Variants in BRIP1 observed in about 807,000 individuals in gnomAD.
BRIP1 encodes Fanconi anemia group J protein.
Under a neutral mutation model 119.7 loss-of-function variants are expected in BRIP1, and 88 were observed. The ratio of observed to expected loss-of-function variants is 0.74; its 90% CI spans 0.62 to 0.88. The LOEUF (loss-of-function observed/expected upper bound fraction) is 0.88. Among genes scored for constraint, BRIP1 ranks in the 40% least tolerant of loss-of-function variants. The probability of loss-of-function intolerance (pLI) is 0.00; values close to 1 mark genes in which losing one functional copy is unlikely to be tolerated. For missense variants in BRIP1, 1,259 were observed against 1,455.4 expected (o/e 0.87, Z 2.20); for synonymous variants, 443 against 496.5 (o/e 0.89, Z 1.43).
At position 61,709,247 on chromosome 17, in the gene BRIP1, T is replaced by C. The variant is rs995052810; in HGVS notation, c.2492+6704A>G. Among the ~76,000 whole-genome samples, 8 of 152,338 alleles carry C rather than the reference T, an allele frequency of 5.3e-5. No homozygotes were observed. The highest frequency in any genetic ancestry group is 1.9e-4 in the African/African-American group (8 of 41,598). ...CTGCTAAGTCATTCAGTCATTCGGC[T>C]GTTTTCCAGTGTTCAAAATGTGTTG... is the stretch of plus-strand genomic sequence containing the variant. On this transcript the variant is annotated intron_variant, in intron 17 of 19. Transcript: ENST00000259008. The surrounding 1 kb of genome is among the most constrained non-coding windows in gnomAD (Gnocchi z 5.0).
At position 61,816,800 on chromosome 17, in the gene BRIP1, G is replaced by A. The variant is rs774016204; in HGVS notation, c.628-8043C>T. ...AAACGAGCAAAATGGGGAAGTGGGC[G>A]GGTAGGCGGAAAATATCTTCTTTAA... On this transcript the variant is annotated intron_variant, in intron 6 of 19. Transcript: ENST00000259008. The surrounding 1 kb of genome is among the most constrained non-coding windows in gnomAD (Gnocchi z 5.0). Among the ~76,000 whole-genome samples the A allele has an allele frequency of 1.2e-4, 19 of 152,068 alleles. No individual in the cohort carries two copies. The highest frequency in any genetic ancestry group is 6.2e-4 in the South Asian group (3 of 4,828).
chr17:61,719,851 C>T (rs562436733), intron 16 of BRIP1, among the ~76,000 whole-genome samples: 23 of 151,928 alleles, frequency 1.5e-4, no homozygotes, highest in African/African-American at 5.5e-4. Context: ...TTTTGAGAGA[C>T]AGGGCCTCAG....
At position 61,751,855 on chromosome 17, in the gene BRIP1, G is replaced by A. The variant is rs954647075; in HGVS notation, c.2098-7264C>T. On this transcript the variant is annotated intron_variant, in intron 14 of 19. Transcript: ENST00000259008. This position sits in a 1 kb window ranked among gnomAD's most constrained non-coding sequence, Gnocchi z 6.7. ...GCGATCTCGGCTCACTGAAATCTCC[G>A]CCTCCTGAGTTCAAGCAATTCTCCT... Among the ~76,000 whole-genome samples, 5 of 151,674 alleles carry A rather than the reference G, an allele frequency of 3.3e-5. No individual in the cohort carries two copies. Among genetic ancestry groups the A allele is most frequent in the African/African-American group, 4.8e-5 (2 of 41,284 alleles).
Position 61,854,036 on chromosome 17 carries a change from G to C in BRIP1, c.379+3022C>G, listed in dbSNP as rs149686552. 1.3e-3 allele frequency among the ~76,000 whole-genome samples: 192 copies of C among 152,268 alleles called. 3 individuals are homozygous for C. In the East Asian group the frequency reaches 0.019, roughly 15 times the overall value. On this transcript the variant is annotated intron_variant, in intron 4 of 19. Transcript: ENST00000259008. Reference sequence around the variant, plus strand: ...CATGCCTATAATCCCAGTGCTTTGGGAGGCCGAAGAAGGCAGATCACTTGA... The same window carrying C: ...CATGCCTATAATCCCAGTGCTTTGGCAGGCCGAAGAAGGCAGATCACTTGA...
chr17:61,722,195 C>A lies in BRIP1; in HGVS notation c.2380-6132G>T, dbSNP rs924923382. Among the ~76,000 whole-genome samples the A allele has an allele frequency of 3.9e-5, 6 of 152,006 alleles. No homozygotes were observed. The highest frequency in any genetic ancestry group is 5.9e-5 in the Non-Finnish European group (4 of 68,000). The stretch of plus-strand genomic sequence containing the variant: ...TAGCTGGGACTACAGGTGCATGCCA[C>A]CATGCCCAGCTATTCTTTTGTATTT... On this transcript the variant is annotated intron_variant, in intron 16 of 19. Transcript: ENST00000259008. This position sits in a 1 kb window ranked among gnomAD's most constrained non-coding sequence, Gnocchi z 4.6.
Position 61,784,402 on chromosome 17 carries a change from T to C in BRIP1, c.1496A>G (p.Gln499Arg), listed in dbSNP as rs2077672184. Reference protein sequence around the residue: ...ILQGHFSAVLQKEEKISPIYG... With the variant: ...ILQGHFSAVLRKEEKISPIYG... The stretch of plus-strand genomic sequence containing the variant: ...AATTGGTGAGATTTTTTCCTCTTTT[T>C]GAAGAACAGCAGAAAAATGTCCCTA... The change falls in exon 11 of 20, where the codon CAA (glutamine) becomes CGA (arginine). Residue 499 changes from glutamine (Q) to arginine (R), a missense_variant. By Grantham distance (43) the Gln-to-Arg change is conservative. Coordinates refer to ENST00000259008, the MANE Select transcript of BRIP1 (RefSeq NM_032043.3). The C allele has an allele frequency of 1.9e-6, 3 of 1,613,264 alleles. No homozygotes were observed. The highest frequency in any genetic ancestry group is 2.5e-6 in the Non-Finnish European group (3 of 1,179,514).
At chr17:61,840,163 AGCCTGG>A (rs1338414276) in intron 6 of BRIP1, among the ~76,000 whole-genome samples, 1 of 152,184 alleles carries the variant, frequency 6.6e-6, no homozygotes, top group African/African-American at 2.4e-5. Context: ...GTTCAAGGCC[AGCCTGG>A]CCAACATGGT....
rs2078092930 is a variant in BRIP1 at position 61,807,611 on chromosome 17, GC to G, written c.918+855del. ...ATATCAATGAAATGAAACTCTGGGG[GC>G]TATAGCTCACAGTTTTTTGTGTAGA... On this transcript the variant is annotated intron_variant, in intron 7 of 19. Transcript: ENST00000259008. The surrounding 1 kb of genome is among the most constrained non-coding windows in gnomAD (Gnocchi z 4.5). 6.6e-6 allele frequency among the ~76,000 whole-genome samples: 1 copy of G among 152,116 alleles called. No homozygotes were observed. The highest frequency in any genetic ancestry group is 1.9e-4 in the East Asian group (1 of 5,184).
At chr17:61,697,069 A>C (rs1340104468) in intron 17 of BRIP1, among the ~76,000 whole-genome samples, 1 of 149,938 alleles carries the variant, frequency 6.7e-6, no homozygotes, top group Non-Finnish European at 1.5e-5. Context: ...CAGATATTCT[A>C]TTTCAGCTGG....
At chr17:61,782,677 A>G (rs765660978) in intron 11 of BRIP1, among the ~76,000 whole-genome samples, 8 of 150,134 alleles carry the variant, frequency 5.3e-5, no homozygotes, top group African/African-American at 1.7e-4. Flanking sequence ...AAAAAACCCA[A>G]TAATTCAAAA....
chr17:61,862,944 C>T lies in BRIP1; in HGVS notation c.-31+340G>A, dbSNP rs1215155023. 1.3e-5 allele frequency among the ~76,000 whole-genome samples: 2 copies of T among 152,164 alleles called. No individual in the cohort carries two copies. The highest frequency in any genetic ancestry group is 2.9e-5 in the Non-Finnish European group (2 of 68,034). On this transcript the variant is annotated intron_variant, in intron 1 of 19. Coordinates refer to ENST00000259008, the MANE Select transcript of BRIP1 (RefSeq NM_032043.3). The surrounding 1 kb of genome is among the most constrained non-coding windows in gnomAD (Gnocchi z 5.3). ...CTTAATATGAATCAACAACTCAACG[C>T]TGGCCTAGTTACTCAGATATAATCT...
Position 61,736,314 on chromosome 17 carries a change from C to G in BRIP1, c.2379+6699G>C, listed in dbSNP as rs1305117756. 6.6e-6 allele frequency among the ~76,000 whole-genome samples: 1 copy of G among 151,960 alleles called. No individual in the cohort carries two copies. The highest frequency in any genetic ancestry group is 1.9e-4 in the East Asian group (1 of 5,194). On this transcript the variant is annotated intron_variant, in intron 16 of 19. Coordinates refer to ENST00000259008, the MANE Select transcript of BRIP1 (RefSeq NM_032043.3). The surrounding 1 kb of genome is among the most constrained non-coding windows in gnomAD (Gnocchi z 4.4). ...CTGCACTCCAACCTGGGCGACAGAA[C>G]AAGACCTTGTCTATAAAATAAAATA...
rs1179574031 is a variant in BRIP1 at position 61,743,392 on chromosome 17, A to G, written c.2258-258T>C. ...TCCAGATAACTTATACAGTAAAAACATGTCAGAATAGCAACTTGCATATGA... is the reference window on the plus strand; with the variant it reads ...TCCAGATAACTTATACAGTAAAAACGTGTCAGAATAGCAACTTGCATATGA... On this transcript the variant is annotated intron_variant, in intron 15 of 19. Coordinates refer to ENST00000259008, the MANE Select transcript of BRIP1 (RefSeq NM_032043.3). The surrounding 1 kb of genome is among the most constrained non-coding windows in gnomAD (Gnocchi z 4.3). Among the ~76,000 whole-genome samples the G allele has an allele frequency of 6.6e-6, 1 of 152,230 alleles. No homozygotes were observed. Among genetic ancestry groups the G allele is most frequent in the Admixed American group, 6.5e-5 (1 of 15,292 alleles).
In BRIP1 at chr17:61,758,356, A is replaced by G. The variant is rs2024189; in HGVS notation, c.2098-13765T>C. On this transcript the variant is annotated intron_variant, in intron 14 of 19. Coordinates refer to ENST00000259008, the MANE Select transcript of BRIP1 (RefSeq NM_032043.3). The surrounding 1 kb of genome is among the most constrained non-coding windows in gnomAD (Gnocchi z 5.3). ...TGGGCTAATAATTAAACTATAATGA[A>G]GTCAGTGCTCTTGCACTATTAGAAT... 0.99 allele frequency among the ~76,000 whole-genome samples: 150,599 copies of G among 152,298 alleles called. 74,481 individuals are homozygous for G. Among genetic ancestry groups the G allele is most frequent in the East Asian group, 1 (5,168 of 5,168 alleles).
chr17:61,817,657 T>C (rs1351821128), intron 6 of BRIP1, among the ~76,000 whole-genome samples: 1 of 152,216 alleles, frequency 6.6e-6, no homozygotes, highest in Non-Finnish European at 1.5e-5. Flanking sequence ...GAAATGTAAT[T>C]AGTACAACTA....
chr17:61,729,259 A>G lies in BRIP1; in HGVS notation c.2380-13196T>C, dbSNP rs2076811542. Among the ~76,000 whole-genome samples, 5 of 152,286 alleles carry G rather than the reference A, an allele frequency of 3.3e-5. No individual in the cohort carries two copies. The highest frequency in any genetic ancestry group is 1.2e-4 in the African/African-American group (5 of 41,550). ...ACGCCATTGCACTCCAGCCTGGGAA[A>G]CAAAAGCAAACTCCGTCTCAAAAAC... On this transcript the variant is annotated intron_variant, in intron 16 of 19. Transcript: ENST00000259008. This position sits in a 1 kb window ranked among gnomAD's most constrained non-coding sequence, Gnocchi z 5.6.
rs1290441805 is a variant in BRIP1, at chr17:61,686,223, T to C, written c.2576-58A>G. The C allele has an allele frequency of 2.0e-6, 3 of 1,465,436 alleles. No homozygotes were observed. The highest frequency in any genetic ancestry group is 4.5e-5 in the East Asian group (2 of 44,162). The allele number at this position is 1,465,436 out of a possible 1,614,324, so 90.8% of individuals were successfully genotyped here. A position where few individuals can be genotyped will look rare whatever the true frequency, so the allele number is the denominator to read the frequency against. ...GTTACTTAGTTATTAAAATATTACA[T>C]GCTAAGGTAATACACTTGCTTTTTC... On this transcript the variant is annotated intron_variant, in intron 18 of 19. Coordinates refer to ENST00000259008, the MANE Select transcript of BRIP1 (RefSeq NM_032043.3). The surrounding 1 kb of genome is among the most constrained non-coding windows in gnomAD (Gnocchi z 5.4).
At chr17:61,797,920 C>T (rs942211123) in intron 9 of BRIP1, among the ~76,000 whole-genome samples, 2 of 152,022 alleles carry the variant, frequency 1.3e-5, no homozygotes, top group African/African-American at 2.4e-5. Flanking sequence ...TTTCCATACT[C>T]TTATACATTG....
Position 61,774,316 on chromosome 17 carries a change from T to C in BRIP1, c.2097+2085A>G, listed in dbSNP as rs1034863387. On this transcript the variant is annotated intron_variant, in intron 14 of 19. Coordinates refer to ENST00000259008, the MANE Select transcript of BRIP1 (RefSeq NM_032043.3). This position sits in a 1 kb window ranked among gnomAD's most constrained non-coding sequence, Gnocchi z 5.8. ...TGGATGAAGCTGGAAACCATCATTC[T>C]CAGCAAACTATCACAAAGACAGAAA... Among the ~76,000 whole-genome samples, 1 of 152,156 alleles carries C rather than the reference T, an allele frequency of 6.6e-6. No individual in the cohort carries two copies. Among genetic ancestry groups the C allele is most frequent in the Non-Finnish European group, 1.5e-5 (1 of 68,042 alleles).
Sources: allele counts gnomAD v4.1 joint callset (sites outside exome capture counted in the v4.1 genomes callset), GRCh38; gene constraint gnomAD v4.1.1; non-coding constraint Gnocchi (gnomAD v3.1); transcripts MANE v1.5; gene names NCBI Gene and HGNC (gene_info 2026-07-23, HGNC 2026-07-21).